RIMS2: variants seen among roughly 807,000 people sequenced by gnomAD.
RIMS2 encodes regulating synaptic membrane exocytosis protein 2.
A neutral mutation model predicts 174.4 loss-of-function variants in RIMS2; 59 were observed. The ratio of observed to expected loss-of-function variants is 0.34; its 90% CI spans 0.27 to 0.42. The LOEUF (loss-of-function observed/expected upper bound fraction) is 0.42. Ranked by LOEUF, RIMS2 falls within the 10% of genes least tolerant of loss-of-function variation. RIMS2 has a pLI of 1.00. For missense variants in RIMS2, 1,620 were observed against 1,666.3 expected (o/e 0.97, Z 0.48); for synonymous variants, 606 against 572.5 (o/e 1.06, Z -0.84).
chr8:103,757,010 TGAGAGAGA>T (rs375031125), intron 2 of RIMS2, among the ~76,000 whole-genome samples: 15 of 114,356 alleles, frequency 1.3e-4, no homozygotes, highest in African/African-American at 4.5e-4. Flanking sequence ...TGTGTGTGTG[TGAGAGAGA>T]GAGAGAGAGA....
chr8:103,698,441 A>G (rs1456319114), intron 2 of RIMS2, among the ~76,000 whole-genome samples: 1 of 152,170 alleles, frequency 6.6e-6, no homozygotes, highest in African/African-American at 2.4e-5. Context: ...TTGGTTTTTT[A>G]AGATCAGGAA....
chr8:103,980,411 T>C lies in RIMS2; in HGVS notation c.2927+4905T>C, dbSNP rs145307078. The stretch of plus-strand genomic sequence containing the variant: ...TGCTGAATAAAGACCCCCTGGGCGC[T>C]GAATAACCAGCAATGATACCCAGGA... On this transcript the variant is annotated intron_variant, in intron 16 of 23. Coordinates refer to ENST00000504942, the Ensembl canonical transcript of RIMS2. Among the ~76,000 whole-genome samples, 668 of 152,244 alleles carry C rather than the reference T, an allele frequency of 4.4e-3. 9 individuals carry two copies. The highest frequency in any genetic ancestry group is 0.014 in the African/African-American group (574 of 41,542).
chr8:104,056,745 G>A (rs1566072724), intron 19 of RIMS2, among the ~76,000 whole-genome samples: 1 of 152,050 alleles, frequency 6.6e-6, no homozygotes, highest in Non-Finnish European at 1.5e-5. Flanking sequence ...AAACAGCTGA[G>A]CGTGGTATGC....
At chr8:104,032,141 C>G (rs1255848556) in intron 19 of RIMS2, among the ~76,000 whole-genome samples, 6 of 152,102 alleles carry the variant, frequency 3.9e-5, no homozygotes, top group Non-Finnish European at 7.4e-5. Flanking sequence ...GCTCAATATA[C>G]TATCTAAAGT....
intron 19 of RIMS2, among the ~76,000 whole-genome samples, chr8:104,203,611 C>A (rs1407918712): frequency 2.0e-5 from 3 of 148,302 alleles, no homozygotes; most frequent in African/African-American, 7.5e-5. Flanking sequence ...TCAAGCGATT[C>A]TCCTGCCTCA....
chr8:104,144,787 T>A (rs568371562), intron 19 of RIMS2, among the ~76,000 whole-genome samples: 8 of 152,304 alleles, frequency 5.3e-5, no homozygotes, highest in African/African-American at 1.7e-4. Flanking sequence ...CTCATGAATC[T>A]AGGCTTCTCA....
At chr8:104,007,003 C>CAAA (rs2095609032) in intron 17 of RIMS2, among the ~76,000 whole-genome samples, 4 of 151,994 alleles carry the variant, frequency 2.6e-5, no homozygotes, top group Non-Finnish European at 5.9e-5. Context: ...AATTAACAGG[C>CAAA]TTAGAATAAA....
intron 4 of RIMS2, among the ~76,000 whole-genome samples, chr8:103,891,189 G>C (rs10106702): frequency 0.25 from 37,245 of 151,888 alleles, 4,929 homozygotes; most frequent in Non-Finnish European, 0.27. Context: ...CTAGAATAGA[G>C]TAGAAAACAT....
intron 19 of RIMS2, among the ~76,000 whole-genome samples, chr8:104,142,965 A>G (rs2098598148): frequency 6.6e-6 from 1 of 152,242 alleles, no homozygotes; most frequent in African/African-American, 2.4e-5. Context: ...AAGAATTAGT[A>G]TGAAAAACTC....
At chr8:103,763,616 G>A (rs2140183945) in intron 2 of RIMS2, among the ~76,000 whole-genome samples, 1 of 152,174 alleles carries the variant, frequency 6.6e-6, no homozygotes, top group South Asian at 2.1e-4. Context: ...AGTCAGAAAA[G>A]GAACAAGCAG....
chr8:103,564,914 A>G (rs2092142448), intron 1 of RIMS2, among the ~76,000 whole-genome samples: 1 of 152,208 alleles, frequency 6.6e-6, no homozygotes, highest in Non-Finnish European at 1.5e-5. Flanking sequence ...TAGGTGTGGT[A>G]GGTGTGGTTA....
At chr8:103,616,063 A>AT (rs2095497266) in intron 1 of RIMS2, among the ~76,000 whole-genome samples, 1 of 152,184 alleles carries the variant, frequency 6.6e-6, no homozygotes, top group African/African-American at 2.4e-5. Flanking sequence ...AAGAGACATG[A>AT]TAAAAAAAAG....
chr8:103,539,821 C>G (rs763684363), intron 1 of RIMS2, among the ~76,000 whole-genome samples: 1 of 152,242 alleles, frequency 6.6e-6, no homozygotes, highest in Non-Finnish European at 1.5e-5. Context: ...ACACTTCAGA[C>G]TCAGGCTCTG....
intron 2 of RIMS2, among the ~76,000 whole-genome samples, chr8:103,755,518 G>A (rs2097981193): frequency 6.6e-6 from 1 of 152,210 alleles, no homozygotes; most frequent in South Asian, 2.1e-4. Flanking sequence ...ATATCCTGAA[G>A]AGTGTTTTCC....
intron 19 of RIMS2, among the ~76,000 whole-genome samples, chr8:104,097,918 A>G (rs2097790845): frequency 6.6e-6 from 1 of 152,184 alleles, no homozygotes; most frequent in Non-Finnish European, 1.5e-5. Flanking sequence ...CACCAACCTA[A>G]TATGAAGGAA....
chr8:103,773,634 A>G (rs911155621), intron 3 of RIMS2, among the ~76,000 whole-genome samples: 2 of 152,034 alleles, frequency 1.3e-5, no homozygotes, highest in African/African-American at 2.4e-5. Context: ...GAAGGCTGAG[A>G]CAGGAGAATC....
chr8:103,948,606 A>T (rs2084420442), intron 14 of RIMS2, among the ~76,000 whole-genome samples: 1 of 152,204 alleles, frequency 6.6e-6, no homozygotes, highest in Non-Finnish European at 1.5e-5. Flanking sequence ...GATTCTACTT[A>T]TATAACATAT....
intron 1 of RIMS2, among the ~76,000 whole-genome samples, chr8:103,634,647 T>C (rs1274518639): frequency 1.3e-5 from 2 of 152,206 alleles, no homozygotes. Flanking sequence ...TATTGTTTGA[T>C]AGTCTATGTC....
At chr8:103,859,637 A>T (rs1044019338) in intron 3 of RIMS2, among the ~76,000 whole-genome samples, 1 of 151,948 alleles carries the variant, frequency 6.6e-6, no homozygotes, top group Non-Finnish European at 1.5e-5. Context: ...AGGAGTGTTT[A>T]TCTAGTATTC....
Sources: allele counts gnomAD v4.1 joint callset (sites outside exome capture counted in the v4.1 genomes callset), GRCh38; gene constraint gnomAD v4.1.1; transcripts MANE v1.5; gene names NCBI Gene and HGNC (gene_info 2026-07-23, HGNC 2026-07-21).